Variants in DYM observed in about 807,000 individuals in gnomAD.
DYM encodes the protein dyggve-Melchior-Clausen syndrome protein.
DYM carries 78 observed loss-of-function variants against 93.1 expected under a neutral mutation model. The ratio of observed to expected loss-of-function variants is 0.84; its 90% CI spans 0.70 to 1.01. The LOEUF is 1.01. Ranked by LOEUF, DYM falls within the 50% of genes least tolerant of loss-of-function variation. The pLI is 0.00. For synonymous variants in DYM, 321 were observed against 319.7 expected (o/e 1.00, Z -0.04); for missense variants, 789 against 845.0 (o/e 0.93, Z 0.82).
At position 49,271,776 on chromosome 18, in the gene DYM, T is replaced by TA. The variant is rs146907354; in HGVS notation, c.1251+401dup. ...AAAAGTTAAATTATGTTATGTTCTTTAAAAATATATATATAAAACAATGGA... is the reference window on the plus strand; with the variant it reads ...AAAAGTTAAATTATGTTATGTTCTTTAAAAAATATATATATAAAACAATGGA... On this transcript the variant is annotated intron_variant, in intron 11 of 17. Coordinates refer to ENST00000675505, the MANE Select transcript of DYM (RefSeq NM_001353214.3). Among the ~76,000 whole-genome samples the TA allele has an allele frequency of 3.4e-3, 525 of 152,180 alleles. 4 individuals carry two copies. Among genetic ancestry groups the TA allele is most frequent in the African/African-American group, 0.012 (487 of 41,554 alleles).
At chr18:49,281,311 T>C (rs1486626736) in intron 10 of DYM, among the ~76,000 whole-genome samples, 1 of 152,170 alleles carries the variant, frequency 6.6e-6, no homozygotes, top group Non-Finnish European at 1.5e-5. Context: ...CAACAGGTGC[T>C]GGAGAGGATG....
At chr18:49,320,539 A>G (rs910241768) in intron 8 of DYM, among the ~76,000 whole-genome samples, 2 of 152,180 alleles carry the variant, frequency 1.3e-5, no homozygotes, top group Non-Finnish European at 2.9e-5. Context: ...CAATGTCACA[A>G]TCTTGGCTCA....
intron 15 of DYM, among the ~76,000 whole-genome samples, chr18:49,141,911 T>A (rs1170529810): frequency 6.6e-6 from 1 of 152,130 alleles, no homozygotes; most frequent in East Asian, 1.9e-4. Flanking sequence ...TGGAGTGCAG[T>A]GGCGCAATCT....
intron 2 of DYM, among the ~76,000 whole-genome samples, chr18:49,427,169 T>C (rs2074374213): frequency 6.6e-6 from 1 of 152,218 alleles, no homozygotes; most frequent in Non-Finnish European, 1.5e-5. Context: ...ACATATGGAA[T>C]ACCTTACCAA....
At chr18:49,158,193 TTTCTC>T (rs1412673427) in intron 15 of DYM, among the ~76,000 whole-genome samples, 1 of 152,234 alleles carries the variant, frequency 6.6e-6, no homozygotes. Context: ...TCTCTCTCAC[TTTCTC>T]TTCTGACAAC....
At chr18:49,124,108 C>G (rs1424274130) in intron 15 of DYM, among the ~76,000 whole-genome samples, 1 of 152,154 alleles carries the variant, frequency 6.6e-6, no homozygotes, top group African/African-American at 2.4e-5. Context: ...TTTGCTGAAA[C>G]AAACAGGGTG....
At chr18:49,282,627 A>C (rs2095018943) in intron 9 of DYM, among the ~76,000 whole-genome samples, 1 of 152,134 alleles carries the variant, frequency 6.6e-6, no homozygotes, top group South Asian at 2.1e-4. Context: ...AACAAAACAA[A>C]AATTTTACTT....
At chr18:49,233,631 G>C (rs1674816894) in intron 13 of DYM, among the ~76,000 whole-genome samples, 1 of 152,146 alleles carries the variant, frequency 6.6e-6, no homozygotes. Flanking sequence ...AAATGCACTT[G>C]GTGGGGCAGA....
intron 13 of DYM, among the ~76,000 whole-genome samples, chr18:49,249,092 GGTGAGCGA>G (rs2094231128): frequency 1.3e-5 from 2 of 152,150 alleles, no homozygotes; most frequent in Admixed American, 6.5e-5. Flanking sequence ...ATGGTCCCAT[GGTGAGCGA>G]GTCACTCTCA....
chr18:49,058,523 T>C (rs1010938309), intron 17 of DYM, among the ~76,000 whole-genome samples: 2 of 152,148 alleles, frequency 1.3e-5, no homozygotes, highest in Admixed American at 1.3e-4. Context: ...TCTCACTATG[T>C]TGCCCAGGCT....
intron 17 of DYM, among the ~76,000 whole-genome samples, chr18:49,079,958 T>G (rs1191521278): frequency 1.3e-5 from 2 of 149,532 alleles, no homozygotes; most frequent in South Asian, 4.3e-4. Flanking sequence ...GCAGAGGGGC[T>G]CCTCACTTCC....
intron 15 of DYM, among the ~76,000 whole-genome samples, chr18:49,156,563 C>G (rs2086466383): frequency 6.6e-6 from 1 of 151,918 alleles, no homozygotes; most frequent in Non-Finnish European, 1.5e-5. Context: ...GAGACCCTGT[C>G]TCTACTAAAA....
intron 11 of DYM, among the ~76,000 whole-genome samples, chr18:49,271,417 A>G (rs948391600): frequency 6.6e-6 from 1 of 152,188 alleles, no homozygotes; most frequent in Non-Finnish European, 1.5e-5. Context: ...CTGGGAACCC[A>G]GAGGGAACAC....
At chr18:49,405,012 CAA>C (rs199975015) in intron 2 of DYM, among the ~76,000 whole-genome samples, 11,875 of 101,994 alleles carry the variant, frequency 0.12, 627 homozygotes, top group East Asian at 0.4. Flanking sequence ...GACTCCATCT[CAA>C]AAAAAAAAAA....
chr18:49,288,790 AAAAAACAAAAC>A (rs1212444427), intron 8 of DYM, among the ~76,000 whole-genome samples: 3 of 152,080 alleles, frequency 2.0e-5, no homozygotes, highest in Non-Finnish European at 2.9e-5. Context: ...AAAAAAAAAC[AAAAAACAAAAC>A]AAAAACAAAA....
intron 2 of DYM, among the ~76,000 whole-genome samples, chr18:49,414,058 C>A (rs957902152): frequency 6.6e-6 from 1 of 150,446 alleles, no homozygotes; most frequent in African/African-American, 2.5e-5. Context: ...ATGAAATAAG[C>A]CAGTCACAAA....
chr18:49,186,920 C>CTTTT (rs57080617), intron 14 of DYM, among the ~76,000 whole-genome samples: 17 of 117,794 alleles, frequency 1.4e-4, no homozygotes, highest in East Asian at 2.8e-4. Context: ...ACACAATCTT[C>CTTTT]TTTTTTTTTT....
chr18:49,189,922 A>C (rs2090813282), intron 14 of DYM, among the ~76,000 whole-genome samples: 1 of 152,234 alleles, frequency 6.6e-6, no homozygotes, highest in South Asian at 2.1e-4. Context: ...CAGGCACCAA[A>C]ATTAAATGAC....
chr18:49,310,776 G>T (rs1325516832), intron 8 of DYM, among the ~76,000 whole-genome samples: 2 of 151,996 alleles, frequency 1.3e-5, no homozygotes, highest in Non-Finnish European at 2.9e-5. Context: ...TGCTTAAGAG[G>T]ATTACAGTTG....
Sources: allele counts gnomAD v4.1 joint callset (sites outside exome capture counted in the v4.1 genomes callset), GRCh38; gene constraint gnomAD v4.1.1; transcripts MANE v1.5; gene names NCBI Gene and HGNC (gene_info 2026-07-23, HGNC 2026-07-21).